The following CACNA1A variants were observed in gnomAD, a reference collection of about 807,000 sequenced individuals.
The protein encoded by CACNA1A is calcium voltage-gated channel subunit alpha1 A, also known as voltage-dependent P/Q-type calcium channel subunit alpha-1A.
Under a neutral mutation model 262.4 loss-of-function variants are expected in CACNA1A, and 57 were observed. That is an observed-to-expected ratio of 0.22 (90% CI 0.18 to 0.27). The LOEUF is 0.27. Ranked by LOEUF, CACNA1A falls within the 10% of genes least tolerant of loss-of-function variation. The pLI, the probability that CACNA1A is intolerant of heterozygous loss-of-function variation, is 1.00. For missense variants in CACNA1A, 2,526 were observed against 3,562.8 expected, an observed-to-expected ratio of 0.71 and a Z score of 7.41; for synonymous variants, 1,431 against 1,419.3, an observed-to-expected ratio of 1.01 and a Z score of -0.18.
At chr19:13,210,987 T>A in intron 43 of CACNA1A, 1 of 391,882 alleles carries the variant, frequency 2.6e-6, no homozygotes, top group Non-Finnish European at 4.7e-6. Flanking sequence ...CTCTGCCTCA[T>A]GCGATGCACA....
At chr19:13,392,406 G>A (rs991590610) in intron 3 of CACNA1A, among the ~76,000 whole-genome samples, 8 of 152,178 alleles carry the variant, frequency 5.3e-5, no homozygotes, top group African/African-American at 1.9e-4. Context: ...ACTTGGGCAG[G>A]TGGAGGCAGG....
intron 10 of CACNA1A, among the ~76,000 whole-genome samples, chr19:13,325,128 C>CCCTTCCCCT (rs1484439403): frequency 2.6e-5 from 3 of 115,120 alleles, no homozygotes; most frequent in Admixed American, 9.0e-5. Context: ...CTTCCCATTC[C>CCCTTCCCCT]TCCTCCTCCT....
At chr19:13,362,498 C>T (rs960706763) in intron 5 of CACNA1A, 9 of 152,094 alleles carry the variant, frequency 5.9e-5, no homozygotes, top group South Asian at 4.2e-4. Flanking sequence ...CCACTGCACC[C>T]GGCCAATTTT....
chr19:13,470,175 C>A (rs2061325661), intron 1 of CACNA1A, among the ~76,000 whole-genome samples: 1 of 152,138 alleles, frequency 6.6e-6, no homozygotes, highest in Non-Finnish European at 1.5e-5. Context: ...AAAACCTCCA[C>A]CCTTGACTGA....
At chr19:13,474,097 C>T (rs1978307599) in intron 1 of CACNA1A, among the ~76,000 whole-genome samples, 1 of 152,222 alleles carries the variant, frequency 6.6e-6, no homozygotes, top group African/African-American at 2.4e-5. Context: ...CTTTTGCAAA[C>T]TCTATTGATT....
At chr19:13,474,128 A>G (rs542046631) in intron 1 of CACNA1A, among the ~76,000 whole-genome samples, 40 of 152,362 alleles carry the variant, frequency 2.6e-4, no homozygotes, top group South Asian at 2.5e-3. Context: ...GGCTGCTGGC[A>G]GCAGTCCCAG....
Position 13,401,364 on chromosome 19 carries a change from A to G in CACNA1A, c.540-29585T>C, listed in dbSNP as rs373404049. On this transcript the variant is annotated intron_variant, in intron 3 of 46. Transcript: ENST00000360228. ...ATGTTCTCACTAATACATGTGACCA[A>G]TAAAGCACCCACTGAGTAGTTGTTT... 2.6e-5 allele frequency among the ~76,000 whole-genome samples: 4 copies of G among 152,326 alleles called. No individual in the cohort carries two copies. The East Asian group carries it at 5.8e-4, about 22-fold the overall frequency.
At chr19:13,307,632 T>A (rs1218372601) in intron 15 of CACNA1A, 150 bp downstream of exon 15, 2 of 646,044 alleles carry the variant, frequency 3.1e-6, no homozygotes, top group Non-Finnish European at 5.5e-6. Flanking sequence ...CATAATTGAA[T>A]AATGATAACC....
intron 38 of CACNA1A, among the ~76,000 whole-genome samples, chr19:13,218,107 T>A (rs563802952): frequency 2.0e-5 from 3 of 152,124 alleles, no homozygotes; most frequent in Non-Finnish European, 4.4e-5. Context: ...TTATTTATTT[T>A]GAGATGGTGT....
intron 10 of CACNA1A, among the ~76,000 whole-genome samples, chr19:13,325,193 CTTCTT>C (rs1380794076): frequency 4.8e-5 from 6 of 123,884 alleles, no homozygotes; most frequent in African/African-American, 1.9e-4. Context: ...TCTTCTTCTT[CTTCTT>C]TTTTTTTTTT....
chr19:13,469,458 CTCTTT>C (rs2061310728), intron 1 of CACNA1A, among the ~76,000 whole-genome samples: 3 of 133,802 alleles, frequency 2.2e-5, no homozygotes, highest in African/African-American at 2.9e-5. Flanking sequence ...CTTGAACCAC[CTCTTT>C]TTTTTTTTTT....
intron 34 of CACNA1A, among the ~76,000 whole-genome samples, chr19:13,234,048 TAA>T (rs60742009): frequency 3.9e-5 from 4 of 102,320 alleles, no homozygotes; most frequent in Admixed American, 1.1e-4. Flanking sequence ...AGACTCCATC[TAA>T]AAAAAAAAAA....
intron 10 of CACNA1A, among the ~76,000 whole-genome samples, chr19:13,328,876 T>C (rs867392626): frequency 3.9e-5 from 6 of 152,158 alleles, no homozygotes; most frequent in Admixed American, 3.3e-4. Flanking sequence ...AACACATGGA[T>C]GTACTAACTT....
At chr19:13,230,022 G>A (rs750487890) in intron 36 of CACNA1A, 60 bp downstream of exon 36, 138 of 1,580,250 alleles carry the variant, frequency 8.7e-5, no homozygotes, top group Admixed American at 1.4e-4. Flanking sequence ...GACCTAGCCC[G>A]TGTTCCAGTT....
At chr19:13,356,704 T>G (rs1343184972) in intron 6 of CACNA1A, among the ~76,000 whole-genome samples, 1 of 152,122 alleles carries the variant, frequency 6.6e-6, no homozygotes. Flanking sequence ...TCCCATTCTC[T>G]CCCTGAGTTC....
At chr19:13,401,872 T>C (rs2059905435) in intron 3 of CACNA1A, among the ~76,000 whole-genome samples, 1 of 152,156 alleles carries the variant, frequency 6.6e-6, no homozygotes, top group South Asian at 2.1e-4. Context: ...AGATGGTGTC[T>C]CACTGTGTTG....
intron 1 of CACNA1A, among the ~76,000 whole-genome samples, chr19:13,491,710 C>T (rs1980908763): frequency 6.6e-6 from 1 of 152,104 alleles, no homozygotes; most frequent in African/African-American, 2.4e-5. Flanking sequence ...GTGGTGCACA[C>T]CGATAGTCCC....
chr19:13,413,895 A>AAAGAAAAGAAAAGAAAG (rs2060168175), intron 3 of CACNA1A, among the ~76,000 whole-genome samples: 2 of 119,138 alleles, frequency 1.7e-5, no homozygotes, highest in African/African-American at 8.1e-5. Flanking sequence ...GAAAGAAAGA[A>AAAGAAAAGAAAAGAAAG]AAAGAAAGAA....
At chr19:13,265,459 T>C (rs1171831153) in intron 24 of CACNA1A, among the ~76,000 whole-genome samples, 2 of 152,254 alleles carry the variant, frequency 1.3e-5, no homozygotes, top group African/African-American at 4.8e-5. Flanking sequence ...TATTTTAGCC[T>C]GCTAGGCAGA....
Sources: allele counts gnomAD v4.1 joint callset (sites outside exome capture counted in the v4.1 genomes callset), GRCh38; gene constraint gnomAD v4.1.1; transcripts MANE v1.5; gene names NCBI Gene and HGNC (gene_info 2026-07-23, HGNC 2026-07-21).